Variants in CACNB2 observed in about 807,000 individuals in gnomAD.
CACNB2 encodes voltage-dependent L-type calcium channel subunit beta-2.
Under a neutral mutation model 73.3 loss-of-function variants are expected in CACNB2, and 42 were observed. The ratio of observed to expected loss-of-function variants is 0.57; its 90% CI spans 0.45 to 0.74. The LOEUF is 0.74. CACNB2 is among the 30% of genes least tolerant of loss of function. The pLI, the probability that CACNB2 is intolerant of heterozygous loss-of-function variation, is 0.00. For synonymous variants in CACNB2, 348 were observed against 310.3 expected, an observed-to-expected ratio of 1.12 and a Z score of -1.28; for missense variants, 940 against 853.0, an observed-to-expected ratio of 1.10 and a Z score of -1.27.
Position 18,410,375 on chromosome 10 carries a change from AG to A in CACNB2, c.333+8333del, listed in dbSNP as rs573462922. ...GTTTTCAGTAAACATACTACAAAAA[AG>A]AAAAAATATTTCTCATCTTGCCTTA... On this transcript the variant is annotated intron_variant, in intron 3 of 13. Transcript: ENST00000324631. Among the ~76,000 whole-genome samples the A allele has an allele frequency of 2.8e-4, 43 of 152,348 alleles. 1 individual carries two copies. The East Asian group carries it at 8.3e-3, about 29-fold the overall frequency.
At chr10:18,283,922 T>G (rs1384872647) in intron 2 of CACNB2, among the ~76,000 whole-genome samples, 1 of 152,178 alleles carries the variant, frequency 6.6e-6, no homozygotes, top group Non-Finnish European at 1.5e-5. Flanking sequence ...GAAGATTGAT[T>G]TTGACAATGT....
At chr10:18,333,762 G>A (rs1484012597) in intron 2 of CACNB2, among the ~76,000 whole-genome samples, 1 of 152,106 alleles carries the variant, frequency 6.6e-6, no homozygotes, top group Non-Finnish European at 1.5e-5. Context: ...CTCTAAATTG[G>A]GGTGTGATCA....
chr10:18,437,309 AAGTT>A, intron 3 of CACNB2, among the ~76,000 whole-genome samples: 1 of 152,268 alleles, frequency 6.6e-6, no homozygotes, highest in Middle Eastern at 3.4e-3. Flanking sequence ...GGATACTTCT[AAGTT>A]AGTGCAGTTG....
At chr10:18,177,768 C>T (rs190478382) in intron 2 of CACNB2, among the ~76,000 whole-genome samples, 2 of 152,246 alleles carry the variant, frequency 1.3e-5, no homozygotes, top group Admixed American at 6.5e-5. Flanking sequence ...TCTTCTCTTG[C>T]TTGGTTAATC....
At chr10:18,461,923 G>A (rs1029683999) in intron 3 of CACNB2, among the ~76,000 whole-genome samples, 2 of 152,028 alleles carry the variant, frequency 1.3e-5, no homozygotes, top group East Asian at 3.8e-4. Context: ...CTTGGCATCT[G>A]CAAACTTTCC....
At chr10:18,422,324 G>A (rs1283901386) in intron 3 of CACNB2, among the ~76,000 whole-genome samples, 1 of 152,172 alleles carries the variant, frequency 6.6e-6, no homozygotes. Flanking sequence ...TCTCTTGAGG[G>A]AATCCCACCT....
chr10:18,394,878 AT>A (rs1323849251), intron 2 of CACNB2, among the ~76,000 whole-genome samples: 1 of 152,194 alleles, frequency 6.6e-6, no homozygotes, highest in South Asian at 2.1e-4. Context: ...CCTCTAAGTA[AT>A]TGTGCTGGAC....
intron 2 of CACNB2, among the ~76,000 whole-genome samples, chr10:18,299,585 C>G (rs371425138): frequency 2.0e-5 from 3 of 152,258 alleles, no homozygotes; most frequent in Non-Finnish European, 2.9e-5. Context: ...GTGGCATATA[C>G]CTTTACTCCC....
intron 3 of CACNB2, among the ~76,000 whole-genome samples, chr10:18,479,227 G>C (rs1406960948): frequency 6.6e-6 from 1 of 152,016 alleles, no homozygotes; most frequent in East Asian, 1.9e-4. Context: ...TAATCTGTGT[G>C]TATATGTATA....
At chr10:18,212,986 G>A (rs2035377592) in intron 2 of CACNB2, among the ~76,000 whole-genome samples, 1 of 152,200 alleles carries the variant, frequency 6.6e-6, no homozygotes, top group South Asian at 2.1e-4. Context: ...TCTGCCTTGT[G>A]GGTTTGTGAG....
intron 2 of CACNB2, among the ~76,000 whole-genome samples, chr10:18,259,623 C>CAGG (rs1169127161): frequency 2.0e-5 from 3 of 149,808 alleles, no homozygotes; most frequent in Non-Finnish European, 3.0e-5. Context: ...CCCAGCTACT[C>CAGG]AGGAGTCTGA....
intron 2 of CACNB2, chr10:18,340,705 C>T: frequency 2.1e-6 from 3 of 1,431,462 alleles, no homozygotes; most frequent in Non-Finnish European, 2.7e-6. Flanking sequence ...AGCTCCTCTG[C>T]TCTGCCTAAG....
intron 2 of CACNB2, among the ~76,000 whole-genome samples, chr10:18,369,041 T>C (rs1172110526): frequency 6.6e-6 from 1 of 152,196 alleles, no homozygotes; most frequent in African/African-American, 2.4e-5. Context: ...TTTGAAATTT[T>C]TCTTTTGTTA....
At chr10:18,180,076 G>A (rs763249497) in intron 2 of CACNB2, among the ~76,000 whole-genome samples, 4 of 152,178 alleles carry the variant, frequency 2.6e-5, no homozygotes, top group Non-Finnish European at 4.4e-5. Flanking sequence ...TTCTGATTTA[G>A]CGTATCAGCG....
chr10:18,266,407 T>A (rs1396270949), intron 2 of CACNB2, among the ~76,000 whole-genome samples: 2 of 152,168 alleles, frequency 1.3e-5, no homozygotes, highest in Non-Finnish European at 2.9e-5. Context: ...TTAATTAACA[T>A]GAAAATGTTG....
intron 2 of CACNB2, among the ~76,000 whole-genome samples, chr10:18,265,407 A>G (rs957963683): frequency 1.3e-5 from 2 of 152,186 alleles, no homozygotes; most frequent in East Asian, 3.9e-4. Context: ...CTGGGATTAC[A>G]GGTGTGAGCC....
intron 2 of CACNB2, among the ~76,000 whole-genome samples, chr10:18,356,788 C>G (rs1450282770): frequency 6.6e-6 from 1 of 151,834 alleles, no homozygotes; most frequent in African/African-American, 2.4e-5. Context: ...TGCCACCATG[C>G]CTGGCTAATT....
At chr10:18,528,745 A>G (rs2052718776) in intron 10 of CACNB2, among the ~76,000 whole-genome samples, 1 of 152,240 alleles carries the variant, frequency 6.6e-6, no homozygotes, top group South Asian at 2.1e-4. Flanking sequence ...AAATGTAATC[A>G]TGTGTTTTGC....
intron 3 of CACNB2, among the ~76,000 whole-genome samples, chr10:18,472,216 T>G (rs1012408893): frequency 9.7e-5 from 8 of 82,690 alleles, no homozygotes; most frequent in African/African-American, 3.8e-4. Flanking sequence ...CGGCCCACTT[T>G]TCTTCTTTTT....
Sources: allele counts gnomAD v4.1 joint callset (sites outside exome capture counted in the v4.1 genomes callset), GRCh38; gene constraint gnomAD v4.1.1; transcripts MANE v1.5; gene names NCBI Gene and HGNC (gene_info 2026-07-23, HGNC 2026-07-21).